CADM1: variants seen among roughly 807,000 people sequenced by gnomAD.
CADM1 encodes the protein TSLC-1.
Under a neutral mutation model 53.1 loss-of-function variants are expected in CADM1, and 15 were observed. The ratio of observed to expected loss-of-function variants is 0.28; its 90% CI spans 0.19 to 0.44. The LOEUF is 0.44. Among genes scored for constraint, CADM1 ranks in the 20% least tolerant of loss-of-function variants. The pLI, the probability that CADM1 is intolerant of heterozygous loss-of-function variation, is 1.00. For synonymous variants in CADM1, 281 were observed against 243.0 expected (o/e 1.16, Z -1.45); for missense variants, 434 against 611.3 (o/e 0.71, Z 3.06).
Position 115,172,974 on chromosome 11 carries a change from C to T in CADM1, c.*3500G>A, listed in dbSNP as rs1035919286. 5.3e-5 allele frequency: 8 copies of T among 152,056 alleles called. No individual in the cohort carries two copies. Among genetic ancestry groups the T allele is most frequent in the Admixed American group, 2.0e-4 (3 of 15,254 alleles). The allele number at this position is 152,056 out of a possible 1,614,324, so 9.4% of individuals were successfully genotyped here. A position where few individuals can be genotyped will look rare whatever the true frequency, so the allele number is the denominator to read the frequency against. On this transcript the variant is annotated 3_prime_UTR_variant, in exon 12 of 12. Coordinates refer to ENST00000331581, the MANE Select transcript of CADM1 (RefSeq NM_001301043.2). ...GACGTTATCTGCACATTTATAAGAT[C>T]GGCCACCATGAAGTGTAGTCATTGC...
intron 1 of CADM1, among the ~76,000 whole-genome samples, chr11:115,257,623 T>G (rs1468687247): frequency 6.6e-6 from 1 of 152,354 alleles, no homozygotes; most frequent in South Asian, 2.1e-4. Context: ...TTTTTATCAC[T>G]AATTCACCAG....
At chr11:115,232,154 C>T (rs1941842872) in intron 3 of CADM1, among the ~76,000 whole-genome samples, 1 of 152,048 alleles carries the variant, frequency 6.6e-6, no homozygotes, top group Admixed American at 6.5e-5. Flanking sequence ...AATGATCATC[C>T]TTACCAGGAA....
At position 115,394,420 on chromosome 11, in the gene CADM1, G is replaced by A. The variant is rs183817224; in HGVS notation, c.124+109851C>T. Among the ~76,000 whole-genome samples, 12 of 151,862 alleles carry A rather than the reference G, an allele frequency of 7.9e-5. No homozygotes were observed. In the South Asian group the frequency reaches 1.7e-3, roughly 21 times the overall value. On this transcript the variant is annotated intron_variant, in intron 1 of 11. Transcript: ENST00000331581. ...TTTAGCTTTCTATCTAGCTCCAGAG[G>A]GAAAATCATGTTTACAAGAACCACG...
At chr11:115,291,027 C>G (rs1943884643) in intron 1 of CADM1, among the ~76,000 whole-genome samples, 1 of 152,166 alleles carries the variant, frequency 6.6e-6, no homozygotes, top group Non-Finnish European at 1.5e-5. Context: ...ATCTGATTGC[C>G]TTCAAGATAG....
chr11:115,461,060 A>G (rs1948784410), intron 1 of CADM1, among the ~76,000 whole-genome samples: 1 of 152,102 alleles, frequency 6.6e-6, no homozygotes, highest in East Asian at 1.9e-4. Context: ...CATTCATTCA[A>G]TACAGATTTA....
At chr11:115,406,135 G>A (rs943881794) in intron 1 of CADM1, among the ~76,000 whole-genome samples, 2 of 151,872 alleles carry the variant, frequency 1.3e-5, no homozygotes, top group African/African-American at 2.4e-5. Flanking sequence ...CTTTATATTG[G>A]TATAAAAATG....
intron 1 of CADM1, among the ~76,000 whole-genome samples, chr11:115,299,807 T>G (rs1482043573): frequency 1.3e-5 from 2 of 152,104 alleles, no homozygotes; most frequent in African/African-American, 2.4e-5. Flanking sequence ...TAGCCGCCAT[T>G]TTCTCTTAAA....
In CADM1 at chr11:115,406,276, T is replaced by C. The variant is rs540320378; in HGVS notation, c.124+97995A>G. Among the ~76,000 whole-genome samples, 4 of 152,026 alleles carry C rather than the reference T, an allele frequency of 2.6e-5. No homozygotes were observed. In the South Asian group the frequency reaches 8.3e-4, roughly 32 times the overall value. ...CCTTAAGGATTTCTATTCAGAAAAA[T>C]TTTAACCAAATCCCTCTGGAGTATG... On this transcript the variant is annotated intron_variant, in intron 1 of 11. Coordinates refer to ENST00000331581, the MANE Select transcript of CADM1 (RefSeq NM_001301043.2).
At chr11:115,385,800 C>T (rs898468501) in intron 1 of CADM1, among the ~76,000 whole-genome samples, 2 of 152,170 alleles carry the variant, frequency 1.3e-5, no homozygotes, top group African/African-American at 4.8e-5. Flanking sequence ...CAAAGGCAGC[C>T]TCCCTTCATC....
intron 1 of CADM1, among the ~76,000 whole-genome samples, chr11:115,248,006 A>G (rs1261405289): frequency 2.0e-5 from 3 of 152,256 alleles, no homozygotes; most frequent in Non-Finnish European, 2.9e-5. Context: ...ATCAGCTGCA[A>G]GAAGAGTTAT....
intron 1 of CADM1, among the ~76,000 whole-genome samples, chr11:115,307,600 G>C (rs962384863): frequency 2.6e-5 from 4 of 151,316 alleles, no homozygotes; most frequent in African/African-American, 7.3e-5. Context: ...GTTGCTTCAG[G>C]TCTTTAGGAT....
intron 1 of CADM1, among the ~76,000 whole-genome samples, chr11:115,442,013 C>T (rs534882471): frequency 6.6e-6 from 1 of 152,086 alleles, no homozygotes; most frequent in Non-Finnish European, 1.5e-5. Context: ...CCTACCTTCA[C>T]AGAATTCAGT....
intron 11 of CADM1, 143 bp downstream of exon 11, chr11:115,178,501 C>G: frequency 1.3e-3 from 285 of 227,566 alleles, no homozygotes; most frequent in East Asian, 1.7e-3. Context: ...TTTTTTTTTT[C>G]TCTTCTCTCT....
intron 1 of CADM1, among the ~76,000 whole-genome samples, chr11:115,266,507 T>C (rs1012359927): frequency 6.6e-6 from 1 of 152,234 alleles, no homozygotes; most frequent in African/African-American, 2.4e-5. Flanking sequence ...GGAGGTTCAG[T>C]ACCTCTCCAT....
intron 1 of CADM1, among the ~76,000 whole-genome samples, chr11:115,278,459 T>G (rs1358665956): frequency 4.6e-5 from 7 of 152,104 alleles, no homozygotes; most frequent in Admixed American, 3.9e-4. Flanking sequence ...CAGAAAGGAC[T>G]GGTAGGAGTT....
chr11:115,295,530 ATATATATATATATATATAT>A (rs1565349249), intron 1 of CADM1, among the ~76,000 whole-genome samples: 3 of 88,770 alleles, frequency 3.4e-5, no homozygotes, highest in East Asian at 6.2e-4. Context: ...ATATATATAT[ATATATATATATATATATAT>A]AATATATATG....
chr11:115,421,538 CAA>C (rs1947757436), intron 1 of CADM1, among the ~76,000 whole-genome samples: 1 of 152,224 alleles, frequency 6.6e-6, no homozygotes. Context: ...CCAGCGGTGC[CAA>C]ACTGTTAGAC....
At chr11:115,390,126 C>T (rs947638221) in intron 1 of CADM1, among the ~76,000 whole-genome samples, 1 of 152,076 alleles carries the variant, frequency 6.6e-6, no homozygotes, top group African/African-American at 2.4e-5. Context: ...CCCTCCCATC[C>T]CACCTCCCCC....
Position 115,238,602 on chromosome 11 carries a change from T to C in CADM1, c.322A>G (p.Lys108Glu). The C allele has an allele frequency of 6.2e-7, 1 of 1,613,938 alleles. No individual in the cohort carries two copies. Among genetic ancestry groups the C allele is most frequent in the Non-Finnish European group, 8.5e-7 (1 of 1,179,870 alleles). The change falls in exon 3 of 12, where the codon AAA (lysine) becomes GAA (glutamate). Residue 108 changes from lysine to glutamate, a missense_variant. By Grantham distance (56) the Lys-to-Glu change is moderately conservative. Transcript: ENST00000331581. ...ATTGAGACGTTTGTCAATGATACTT[T>C]GAGTTCACTGCTAGAAAAATTCAGC... ...QLLNFSSSEL[K>E]VSLTNVSISD...
Sources: allele counts gnomAD v4.1 joint callset (sites outside exome capture counted in the v4.1 genomes callset), GRCh38; gene constraint gnomAD v4.1.1; transcripts MANE v1.5; gene names NCBI Gene and HGNC (gene_info 2026-07-23, HGNC 2026-07-21).